The following GNG2 variants were observed in gnomAD, a reference collection of about 807,000 sequenced individuals.
GNG2 encodes guanine nucleotide-binding protein G(I)/G(S)/G(O) subunit gamma-2.
In GNG2, 5 loss-of-function variants were observed where a neutral mutation model predicts 5.5. The ratio of observed to expected loss-of-function variants is 0.91; its 90% confidence interval spans 0.48 to 1.92. The LOEUF (loss-of-function observed/expected upper bound fraction) is 1.92, where lower values mean the gene tolerates loss of function less well. GNG2 is among the 30% of genes most tolerant of loss of function. The probability of loss-of-function intolerance (pLI) is 0.01; values close to 1 mark genes in which losing one functional copy is unlikely to be tolerated. For missense variants in GNG2, 55 were observed against 88.4 expected (o/e 0.62, Z 1.52); for synonymous variants, 28 against 32.0 (o/e 0.88, Z 0.42).
At chr14:51,853,236 C>T (rs547648065) in intron 2 of GNG2, among the ~76,000 whole-genome samples, 1 of 152,280 alleles carries the variant, frequency 6.6e-6, no homozygotes, top group East Asian at 1.9e-4. Context: ...ACGCAATGTA[C>T]AAAGTGCTGT....
chr14:51,959,057 T>C (rs1483615503), intron 3 of GNG2, among the ~76,000 whole-genome samples: 4 of 152,194 alleles, frequency 2.6e-5, no homozygotes, highest in Non-Finnish European at 5.9e-5. Flanking sequence ...TATTTGCCTC[T>C]TAGTAATGCC....
intron 2 of GNG2, chr14:51,914,077 T>TTTGC (rs1886457490): frequency 3.3e-6 from 2 of 602,954 alleles, no homozygotes; most frequent in East Asian, 5.7e-5. Context: ...AGGTGTTTTG[T>TTTGC]TTGCTTGCTT....
intron 2 of GNG2, among the ~76,000 whole-genome samples, chr14:51,930,879 A>T (rs962421575): frequency 2.6e-5 from 4 of 151,938 alleles, no homozygotes; most frequent in Non-Finnish European, 4.4e-5. Flanking sequence ...GAGGCCCCAC[A>T]CTCTTTTAAA....
rs566129512 is a variant in GNG2 at position 51,854,495 on chromosome 14, T to G, written c.64+26688T>G. Among the ~76,000 whole-genome samples, 4 of 152,112 alleles carry G rather than the reference T, an allele frequency of 2.6e-5. No individual in the cohort carries two copies. The East Asian group carries it at 7.7e-4, about 29-fold the overall frequency. Reference sequence around the variant, plus strand: ...ACAGCAAGGCCTCCATGGCTCTTTTTTAAATTTTTTCTTTGTTTTTATTTT... The same window carrying G: ...ACAGCAAGGCCTCCATGGCTCTTTTGTAAATTTTTTCTTTGTTTTTATTTT... On this transcript the variant is annotated intron_variant, in intron 2 of 3. Coordinates refer to the GNG2 transcript ENST00000553432.
chr14:51,919,103 G>T (rs550234134), intron 2 of GNG2, among the ~76,000 whole-genome samples: 7 of 152,126 alleles, frequency 4.6e-5, no homozygotes, highest in African/African-American at 1.7e-4. Context: ...GGCATTACAG[G>T]CATGAGCCAC....
Position 51,832,049 on chromosome 14 carries a change from G to A in GNG2, c.64+4242G>A, listed in dbSNP as rs1881208699. 2.6e-5 allele frequency among the ~76,000 whole-genome samples: 4 copies of A among 152,170 alleles called. No homozygotes were observed. In the South Asian group the frequency reaches 8.3e-4, roughly 32 times the overall value. On this transcript the variant is annotated intron_variant, in intron 2 of 3. Transcript: ENST00000553432. ...AATCCAAGCACTTTAAGAGGCCAAG[G>A]TGGGAGGATCGCTTGAGCCCAGGAG...
At chr14:51,942,603 T>TCTTTCTTTCTTTCTTTCTTTC (rs1888406822) in intron 2 of GNG2, among the ~76,000 whole-genome samples, 1 of 138,256 alleles carries the variant, frequency 7.2e-6, no homozygotes, top group East Asian at 2.0e-4. Flanking sequence ...TTTTTTTTTT[T>TCTTTCTTTCTTTCTTTCTTTC]TTTAGAGACA....
intron 3 of GNG2, among the ~76,000 whole-genome samples, chr14:51,962,737 T>G (rs1889687477): frequency 6.6e-6 from 1 of 152,180 alleles, no homozygotes; most frequent in African/African-American, 2.4e-5. Flanking sequence ...TGGGGAAATC[T>G]TCATGGAAGA....
intron 2 of GNG2, among the ~76,000 whole-genome samples, chr14:51,942,198 T>C (rs1888358237): frequency 6.6e-6 from 1 of 152,230 alleles, no homozygotes; most frequent in Non-Finnish European, 1.5e-5. Context: ...GACATAAGAA[T>C]ATAAAAACCC....
At chr14:51,946,020 G>A (rs1250652748) in intron 2 of GNG2, among the ~76,000 whole-genome samples, 1 of 152,208 alleles carries the variant, frequency 6.6e-6, no homozygotes, top group Non-Finnish European at 1.5e-5. Flanking sequence ...TCAGGAAACA[G>A]CTAGAAAGCA....
At chr14:51,947,554 A>T (rs1469952972) in intron 2 of GNG2, among the ~76,000 whole-genome samples, 1 of 152,146 alleles carries the variant, frequency 6.6e-6, no homozygotes, top group East Asian at 1.9e-4. Context: ...GAAGCTAGAA[A>T]ATGAAAGAAA....
intron 1 of GNG2, among the ~76,000 whole-genome samples, chr14:51,876,683 T>C (rs1317598675): frequency 6.6e-6 from 1 of 151,898 alleles, no homozygotes; most frequent in Non-Finnish European, 1.5e-5. Flanking sequence ...TTTAAAAACA[T>C]ATGGCCCCTA....
At chr14:51,923,540 T>C (rs1047544484) in intron 2 of GNG2, among the ~76,000 whole-genome samples, 2 of 129,114 alleles carry the variant, frequency 1.5e-5, no homozygotes, top group Non-Finnish European at 3.3e-5. Context: ...TATATACACA[T>C]ATACACATAT....
Position 51,966,231 on chromosome 14 carries a change from A to AAAAAAAAAAAAAAAAG in GNG2, c.88-322_88-321insAAAAAAAAAGAAAAAA, listed in dbSNP as rs61013183. Among the ~76,000 whole-genome samples the AAAAAAAAAAAAAAAAG allele has an allele frequency of 4.4e-4, 48 of 108,574 alleles. 1 individual carries two copies. Among genetic ancestry groups the AAAAAAAAAAAAAAAAG allele is most frequent in the Non-Finnish European group, 7.8e-4 (39 of 50,204 alleles). 71.2% of individuals were successfully genotyped at this position (108,574 alleles called of 152,430 possible). A position where few individuals can be genotyped will look rare whatever the true frequency, so the allele number is the denominator to read the frequency against. On this transcript the variant is annotated intron_variant, in intron 3 of 3. Coordinates refer to ENST00000556766, the MANE Select transcript of GNG2 (RefSeq NM_053064.5). ...TCTCAAAAAAAAAAAAAAAAAAAAA[A>AAAAAAAAAAAAAAAAG]AAAAAACAAATGAAGGAGACAGCCA...
chr14:51,958,136 G>A (rs557600979), intron 3 of GNG2, among the ~76,000 whole-genome samples: 48 of 152,278 alleles, frequency 3.2e-4, no homozygotes, highest in African/African-American at 5.3e-4. Context: ...TGATGTTTCC[G>A]TTGGCACAGA....
At chr14:51,940,450 C>A (rs1305235570) in intron 2 of GNG2, 1 of 152,316 alleles carries the variant, frequency 6.6e-6, no homozygotes, top group African/African-American at 2.4e-5. Flanking sequence ...ATCTACCCTA[C>A]ACACACCTGC....
intron 2 of GNG2, among the ~76,000 whole-genome samples, chr14:51,895,049 A>G (rs1404634832): frequency 1.3e-5 from 2 of 151,804 alleles, no homozygotes; most frequent in Non-Finnish European, 2.9e-5. Context: ...AATAGGAAAA[A>G]AAAAACAATG....
At chr14:51,845,700 C>T (rs72678109) in intron 2 of GNG2, among the ~76,000 whole-genome samples, 8 of 152,194 alleles carry the variant, frequency 5.3e-5, no homozygotes, top group African/African-American at 1.2e-4. Flanking sequence ...TCAAAAGCCC[C>T]GAGAAGTCCC....
At chr14:51,948,568 C>T (rs1888775067) in intron 2 of GNG2, among the ~76,000 whole-genome samples, 1 of 152,094 alleles carries the variant, frequency 6.6e-6, no homozygotes, top group South Asian at 2.1e-4. Flanking sequence ...CTATCTTGGC[C>T]CTATGAAGTC....
Sources: allele counts gnomAD v4.1 joint callset (sites outside exome capture counted in the v4.1 genomes callset), GRCh38; gene constraint gnomAD v4.1.1; transcripts MANE v1.5; gene names NCBI Gene and HGNC (gene_info 2026-07-23, HGNC 2026-07-21).